MGAT5B: variants seen among roughly 807,000 people sequenced by gnomAD.
The protein encoded by MGAT5B is N-acetylglucosaminyl-transferase Vb.
MGAT5B carries 54 observed loss-of-function variants against 95.1 expected under a neutral mutation model. That is an observed-to-expected ratio of 0.57 (90% confidence interval 0.46 to 0.71). MGAT5B has a LOEUF of 0.71. Ranked by LOEUF, MGAT5B falls within the 30% of genes least tolerant of loss-of-function variation. The pLI is 0.00. For missense variants in MGAT5B, 935 were observed against 1,088.6 expected (o/e 0.86, Z 1.99); for synonymous variants, 464 against 451.0 (o/e 1.03, Z -0.36).
At position 76,940,796 on chromosome 17, in the gene MGAT5B, A is replaced by T. The variant is rs747189094; in HGVS notation, c.1796A>T (p.Tyr599Phe). Residue 599 changes from tyrosine (Y) to phenylalanine (F), a missense_variant, in exon 15 of 18, where the codon TAC becomes TTC. Tyr to Phe is a conservative substitution (Grantham distance 22). Transcript: ENST00000569840. This position sits in a 1 kb window ranked among gnomAD's most constrained non-coding sequence, Gnocchi z 4.3. ...IGKPHVWTVD[Y>F]NNSEEFEAAI... Reference sequence around the variant, plus strand: ...AAGCCCCACGTGTGGACAGTCGACTACAACAACTCAGAGGAGTTTGAAGCA... The same window carrying T: ...AAGCCCCACGTGTGGACAGTCGACTTCAACAACTCAGAGGAGTTTGAAGCA... 4.3e-6 allele frequency: 7 copies of T among 1,614,076 alleles called. No homozygotes were observed. In the Admixed American group the frequency reaches 8.3e-5, roughly 19 times the overall value.
intron 3 of MGAT5B, among the ~76,000 whole-genome samples, chr17:76,883,291 C>T (rs992622832): frequency 3.3e-5 from 5 of 152,152 alleles, no homozygotes; most frequent in Non-Finnish European, 5.9e-5. Context: ...TGAGCCACCC[C>T]GCCTTTTTTA....
chr17:76,874,796 G>C (rs894938), intron 2 of MGAT5B, among the ~76,000 whole-genome samples: 45,377 of 151,946 alleles, frequency 0.3, 7,507 homozygotes, highest in East Asian at 0.53. Flanking sequence ...TGCTGTGCTC[G>C]GTGCTATGCA....
intron 17 of MGAT5B, 128 bp from the exon 18 acceptor site, chr17:76,948,512 C>T: frequency 1.0e-6 from 1 of 997,028 alleles, no homozygotes; most frequent in East Asian, 2.6e-5. Flanking sequence ...TTTCCTTACC[C>T]AGGCTGGGAT....
At chr17:76,939,029 G>GGGGTGTGTGTGTGT (rs1237086611) in intron 13 of MGAT5B, among the ~76,000 whole-genome samples, 1 of 128,190 alleles carries the variant, frequency 7.8e-6, no homozygotes, top group Non-Finnish European at 1.6e-5. Flanking sequence ...GCATCTTGGG[G>GGGGTGTGTGTGTGT]GTGTGTGTGT....
At chr17:76,908,700 A>T (rs1489357615) in intron 8 of MGAT5B, among the ~76,000 whole-genome samples, 3 of 152,148 alleles carry the variant, frequency 2.0e-5, no homozygotes, top group Non-Finnish European at 1.5e-5. Context: ...GGGATCTATC[A>T]TCTTGAGTAT....
intron 3 of MGAT5B, among the ~76,000 whole-genome samples, chr17:76,900,444 G>A (rs1321456583): frequency 6.6e-6 from 1 of 152,232 alleles, no homozygotes; most frequent in Non-Finnish European, 1.5e-5. Flanking sequence ...ACTGGATTTG[G>A]ATGGGCCCTG....
At chr17:76,878,153 G>C (rs1414832480) in intron 2 of MGAT5B, among the ~76,000 whole-genome samples, 1 of 152,138 alleles carries the variant, frequency 6.6e-6, no homozygotes, top group East Asian at 1.9e-4. Flanking sequence ...TGGGTCACTG[G>C]GGGAGAGTCG....
At chr17:76,925,949 C>G (rs534032809) in intron 9 of MGAT5B, among the ~76,000 whole-genome samples, 1 of 152,244 alleles carries the variant, frequency 6.6e-6, no homozygotes, top group South Asian at 2.1e-4. Context: ...GTTGGCTTAT[C>G]TATAGGGACA....
At chr17:76,941,237 G>A (rs1969855135) in intron 15 of MGAT5B, among the ~76,000 whole-genome samples, 1 of 152,272 alleles carries the variant, frequency 6.6e-6, no homozygotes, top group Non-Finnish European at 1.5e-5. Context: ...CCTTTACACA[G>A]CACATTTCAA....
chr17:76,945,646 G>C (rs915006258), intron 15 of MGAT5B, among the ~76,000 whole-genome samples: 1 of 152,186 alleles, frequency 6.6e-6, no homozygotes, highest in Non-Finnish European at 1.5e-5. Flanking sequence ...TTGTGCCTGT[G>C]GGGGCAGGGT....
intron 15 of MGAT5B, among the ~76,000 whole-genome samples, chr17:76,944,720 A>G (rs1259441726): frequency 6.6e-6 from 1 of 152,188 alleles, no homozygotes; most frequent in African/African-American, 2.4e-5. Context: ...CTTCAAGGAC[A>G]TCAGTGACTG....
chr17:76,944,399 GA>G (rs1969969551), intron 15 of MGAT5B: 1 of 152,294 alleles, frequency 6.6e-6, no homozygotes, highest in Admixed American at 6.5e-5. Context: ...CTTCTCTGGG[GA>G]GTTTTATTTA....
At position 76,924,851 on chromosome 17, in the gene MGAT5B, G is replaced by A. The variant is rs115089249; in HGVS notation, c.1026-115G>A. The stretch of plus-strand genomic sequence containing the variant: ...CATCCTGCTCACTTCCTTTCTGAGA[G>A]TCTGTGCTAAGCTCTCTGCACTTGT... On this transcript the variant is annotated intron_variant, in intron 8 of 17. Coordinates refer to ENST00000569840, the MANE Select transcript of MGAT5B (RefSeq NM_001199172.2). 2.2e-3 allele frequency: 2,839 copies of A among 1,315,172 alleles called. 51 individuals are homozygous for A. In the African/African-American group the frequency reaches 0.035, roughly 16 times the overall value. The allele number at this position is 1,315,172 out of a possible 1,614,324, so 81.5% of individuals were successfully genotyped here.
Position 76,891,311 on chromosome 17 carries a change from C to T in MGAT5B, c.329+9013C>T, listed in dbSNP as rs1369933969. ...TAATGCCATTCATGAGGGCTCCACCCTCATGACCTAATCCCCCTTCAAAGG... is the reference window on the plus strand; with the variant it reads ...TAATGCCATTCATGAGGGCTCCACCTTCATGACCTAATCCCCCTTCAAAGG... On this transcript the variant is annotated intron_variant, in intron 3 of 17. Transcript: ENST00000569840. Among the ~76,000 whole-genome samples the T allele has an allele frequency of 2.6e-5, 4 of 152,140 alleles. No homozygotes were observed. In the East Asian group the frequency reaches 7.7e-4, roughly 29 times the overall value.
chr17:76,882,413 CTGTGGTACAGCCCAGAG>C lies in MGAT5B; in HGVS notation c.329+118_329+134del. 5 of 1,278,436 alleles carry C rather than the reference CTGTGGTACAGCCCAGAG, an allele frequency of 3.9e-6. No homozygotes were observed. In the South Asian group the frequency reaches 6.2e-5, roughly 16 times the overall value. 79.2% of individuals were successfully genotyped at this position (1,278,436 alleles called of 1,614,324 possible). ...GAATCTGGAGAAGATTTGGACCACA[CTGTGGTACAGCCCAGAG>C]TGCATTTCTACCACCCAAATTTAAC... is the stretch of plus-strand genomic sequence containing the variant. On this transcript the variant is annotated intron_variant, in intron 3 of 17. Transcript: ENST00000569840.
chr17:76,932,708 G>A lies in MGAT5B; in HGVS notation c.1355G>A (p.Arg452Gln), dbSNP rs746236005. 8.1e-6 allele frequency: 13 copies of A among 1,614,032 alleles called. No individual in the cohort carries two copies. The South Asian group carries it at 9.9e-5, about 12-fold the overall frequency. Residue 452 changes from arginine to glutamine, a missense_variant, in exon 11 of 18, where the codon CGG becomes CAG. Transcript: ENST00000569840. ...VSEELNETEK[R>Q]LIKGGKASNM... ...GAGGAGCTCAACGAGACGGAGAAGCGGCTCATCAAAGGCGGCAAGGCCAGC... is the reference window on the plus strand; with the variant it reads ...GAGGAGCTCAACGAGACGGAGAAGCAGCTCATCAAAGGCGGCAAGGCCAGC...
intron 8 of MGAT5B, among the ~76,000 whole-genome samples, chr17:76,923,442 G>C (rs1342709359): frequency 6.6e-6 from 1 of 152,166 alleles, no homozygotes; most frequent in African/African-American, 2.4e-5. Context: ...GATGGGACCC[G>C]ATGGCCTGGC....
chr17:76,936,657 C>T (rs1025097761), intron 12 of MGAT5B, among the ~76,000 whole-genome samples: 2 of 152,150 alleles, frequency 1.3e-5, no homozygotes, highest in African/African-American at 2.4e-5. Flanking sequence ...TACGTTTTTG[C>T]GTGTAGATAT....
rs111486260 is a variant in MGAT5B at position 76,889,905 on chromosome 17, G to T, written c.329+7607G>T. ...CTGGGAGGGAGGTGGGACCCTTCAG[G>T]CTGCAAGTATGTCCTGTTGGCCCTG... On this transcript the variant is annotated intron_variant, in intron 3 of 17. Transcript: ENST00000569840. This position sits in a 1 kb window ranked among gnomAD's most constrained non-coding sequence, Gnocchi z 4.4. 7.1e-4 allele frequency among the ~76,000 whole-genome samples: 108 copies of T among 152,346 alleles called. 2 individuals are homozygous for T. The highest frequency in any genetic ancestry group is 1.9e-3 in the African/African-American group (81 of 41,584).
Sources: allele counts gnomAD v4.1 joint callset (sites outside exome capture counted in the v4.1 genomes callset), GRCh38; gene constraint gnomAD v4.1.1; non-coding constraint Gnocchi (gnomAD v3.1); transcripts MANE v1.5; gene names NCBI Gene and HGNC (gene_info 2026-07-23, HGNC 2026-07-21).